Variants in C1orf21 observed in about 807,000 individuals in gnomAD.
C1orf21 encodes chromosome 1 open reading frame 21, also known as uncharacterized protein C1orf21.
C1orf21 carries 3 observed loss-of-function variants against 18.7 expected under a neutral mutation model. The observed-to-expected ratio is 0.16, with a 90% CI of 0.07 to 0.42. The LOEUF (loss-of-function observed/expected upper bound fraction) is 0.42, where lower values mean the gene tolerates loss of function less well. Among genes scored for constraint, C1orf21 ranks in the 10% least tolerant of loss-of-function variants. C1orf21 has a pLI of 0.99. For missense variants in C1orf21, 104 were observed against 143.6 expected (o/e 0.72, Z 1.41); for synonymous variants, 41 against 46.4 (o/e 0.88, Z 0.47).
intron 1 of C1orf21, among the ~76,000 whole-genome samples, chr1:184,442,587 C>T (rs575619855): frequency 6.2e-4 from 94 of 152,146 alleles, no homozygotes; most frequent in Middle Eastern, 6.8e-3. Flanking sequence ...CATTAGTTTC[C>T]CCATGGCATG....
At chr1:184,460,508 G>C (rs984684741) in intron 1 of C1orf21, among the ~76,000 whole-genome samples, 2 of 147,582 alleles carry the variant, frequency 1.4e-5, no homozygotes, top group Non-Finnish European at 3.0e-5. Flanking sequence ...AATAAAAATG[G>C]GGTGACTACC....
intron 3 of C1orf21, chr1:184,539,879 A>G (rs992171756): frequency 6.6e-6 from 1 of 152,220 alleles, no homozygotes; most frequent in African/African-American, 2.4e-5. Context: ...TCTGCCTACC[A>G]TGGTGACCTG....
At position 184,430,853 on chromosome 1, in the gene C1orf21, T is replaced by C. The variant is rs565985515; in HGVS notation, c.-125+43485T>C. Among the ~76,000 whole-genome samples, 10 of 152,340 alleles carry C rather than the reference T, an allele frequency of 6.6e-5. No individual in the cohort carries two copies. The South Asian group carries it at 8.3e-4, about 13-fold the overall frequency. On this transcript the variant is annotated intron_variant, in intron 1 of 5. Transcript: ENST00000235307. ...CAATGGCAGCTTGATGGGGATAGCA[T>C]TGAATCTATAAATTACTTTGGGTAG... is the stretch of plus-strand genomic sequence containing the variant.
At chr1:184,570,336 G>A (rs1264070351) in intron 3 of C1orf21, among the ~76,000 whole-genome samples, 2 of 152,058 alleles carry the variant, frequency 1.3e-5, no homozygotes, top group African/African-American at 2.4e-5. Context: ...ATGCTGAAAT[G>A]TGTTAAATAT....
At chr1:184,461,060 T>A (rs2101983983) in intron 1 of C1orf21, among the ~76,000 whole-genome samples, 1 of 152,202 alleles carries the variant, frequency 6.6e-6, no homozygotes, top group East Asian at 1.9e-4. Context: ...GCACCTCACC[T>A]CACTCCTGGG....
intron 3 of C1orf21, among the ~76,000 whole-genome samples, chr1:184,529,983 C>T (rs374591733): frequency 6.6e-6 from 1 of 152,140 alleles, no homozygotes; most frequent in East Asian, 1.9e-4. Context: ...CACTCTTTAC[C>T]ATATCTTACT....
In C1orf21 at chr1:184,619,865, T is replaced by C. The variant is rs147994697; in HGVS notation, c.*309T>C. The C allele has an allele frequency of 8.9e-3, 2,353 of 263,232 alleles. 15 individuals are homozygous for C. Among genetic ancestry groups the C allele is most frequent in the Middle Eastern group, 0.03 (27 of 912 alleles). 16.3% of individuals were successfully genotyped at this position (263,232 alleles called of 1,614,324 possible). Reference sequence around the variant, plus strand: ...TGCAATTTCACCTTAAAGATACTGTTGGTTTTACAGATGCTCTCCAACCTA... The same window carrying C: ...TGCAATTTCACCTTAAAGATACTGTCGGTTTTACAGATGCTCTCCAACCTA... On this transcript the variant is annotated 3_prime_UTR_variant, in exon 6 of 6. Coordinates refer to ENST00000235307, the MANE Select transcript of C1orf21 (RefSeq NM_030806.4).
chr1:184,531,220 T>C (rs2101973187), intron 3 of C1orf21, among the ~76,000 whole-genome samples: 1 of 152,298 alleles, frequency 6.6e-6, no homozygotes, highest in African/African-American at 2.4e-5. Flanking sequence ...TATCTGGCTT[T>C]GGTGTTAACT....
At chr1:184,515,663 A>G (rs1658213891) in intron 3 of C1orf21, among the ~76,000 whole-genome samples, 1 of 152,192 alleles carries the variant, frequency 6.6e-6, no homozygotes, top group Non-Finnish European at 1.5e-5. Flanking sequence ...TTTAAGGAAA[A>G]TATTAAGGAC....
chr1:184,516,171 T>A (rs1658221607), intron 3 of C1orf21, among the ~76,000 whole-genome samples: 1 of 152,198 alleles, frequency 6.6e-6, no homozygotes, highest in Non-Finnish European at 1.5e-5. Flanking sequence ...AAGATTGTTT[T>A]CTCTTTGATG....
intron 3 of C1orf21, among the ~76,000 whole-genome samples, chr1:184,525,827 A>G (rs925763097): frequency 6.6e-6 from 1 of 152,150 alleles, no homozygotes; most frequent in Admixed American, 6.6e-5. Flanking sequence ...TTCTTCTTAT[A>G]ATGGACATTC....
chr1:184,445,125 A>G (rs1657008936), intron 1 of C1orf21, among the ~76,000 whole-genome samples: 1 of 152,100 alleles, frequency 6.6e-6, no homozygotes, highest in Non-Finnish European at 1.5e-5. Context: ...TTCATGAAAA[A>G]CTTAATATGT....
chr1:184,415,954 C>A (rs951094744), intron 1 of C1orf21, among the ~76,000 whole-genome samples: 2 of 152,198 alleles, frequency 1.3e-5, no homozygotes, highest in African/African-American at 4.8e-5. Context: ...CTTTCTACAT[C>A]TTCTCAGGAA....
chr1:184,431,925 C>T (rs781672222), intron 1 of C1orf21, among the ~76,000 whole-genome samples: 3 of 152,216 alleles, frequency 2.0e-5, no homozygotes, highest in African/African-American at 7.2e-5. Flanking sequence ...TGAAAAAATG[C>T]TCATCATCAC....
intron 1 of C1orf21, among the ~76,000 whole-genome samples, chr1:184,442,661 A>G (rs1362685530): frequency 6.6e-6 from 1 of 152,212 alleles, no homozygotes; most frequent in Non-Finnish European, 1.5e-5. Context: ...TCTCTGGGTC[A>G]TGATTTTGAT....
intron 4 of C1orf21, among the ~76,000 whole-genome samples, chr1:184,591,549 G>A (rs556390362): frequency 3.9e-4 from 60 of 152,350 alleles, no homozygotes; most frequent in African/African-American, 1.4e-3. Context: ...GCTCACGCCT[G>A]TAATCCCAGC....
chr1:184,488,358 A>G (rs984932984), intron 2 of C1orf21, among the ~76,000 whole-genome samples: 3 of 152,238 alleles, frequency 2.0e-5, no homozygotes, highest in African/African-American at 7.2e-5. Flanking sequence ...CTTATCAACC[A>G]TAAATCTATA....
intron 1 of C1orf21, among the ~76,000 whole-genome samples, chr1:184,419,311 C>T (rs539391871): frequency 2.0e-5 from 3 of 152,236 alleles, no homozygotes; most frequent in East Asian, 1.9e-4. Flanking sequence ...TTTCACTAAA[C>T]GGTGGCAGTC....
chr1:184,486,643 T>C (rs904547957), intron 2 of C1orf21, among the ~76,000 whole-genome samples: 1 of 152,230 alleles, frequency 6.6e-6, no homozygotes, highest in African/African-American at 2.4e-5. Context: ...CAAAAATTTC[T>C]ACTTGGAAAC....
Sources: gnomAD v4.1 joint callset for allele counts (sites outside exome capture counted in the v4.1 genomes callset) on GRCh38, gnomAD v4.1.1 for gene constraint, MANE v1.5 for transcripts, NCBI Gene and HGNC (gene_info 2026-07-23, HGNC 2026-07-21) for gene names.